ABCB5: variants seen among roughly 807,000 people sequenced by gnomAD.
ABCB5 encodes ATP binding cassette subfamily B member 5, also known as ATP-binding cassette sub-family B member 5.
ABCB5 carries 155 observed loss-of-function variants against 144.2 expected under a neutral mutation model. That is an observed-to-expected ratio of 1.08 (90% CI 0.94 to 1.23). ABCB5 has a LOEUF of 1.23. Ranked by LOEUF, ABCB5 falls within the 50% of genes most tolerant of loss-of-function variation. The probability of loss-of-function intolerance (pLI) is 0.00; values close to 1 mark genes in which losing one functional copy is unlikely to be tolerated. For missense variants in ABCB5, 1,830 were observed against 1,520.8 expected (o/e 1.20, Z -3.38); for synonymous variants, 610 against 528.6 (o/e 1.15, Z -2.11).
At chr7:20,643,759 A>G (rs998339575) in intron 7 of ABCB5, 127 bp downstream of exon 7, 1 of 963,884 alleles carries the variant, frequency 1.0e-6, no homozygotes. Flanking sequence ...GATATTATAC[A>G]CCACAAATAC....
At chr7:20,691,440 G>C (rs1786226673) in intron 16 of ABCB5, among the ~76,000 whole-genome samples, 1 of 151,782 alleles carries the variant, frequency 6.6e-6, no homozygotes, top group Admixed American at 6.6e-5. Context: ...TCCGACTACT[G>C]ATCAGTGTAT....
chr7:20,704,127 G>A (rs957546838), intron 19 of ABCB5, among the ~76,000 whole-genome samples: 1 of 126,342 alleles, frequency 7.9e-6, no homozygotes, highest in South Asian at 2.5e-4. Flanking sequence ...CCGAGCTGGA[G>A]TGCAGTGGTG....
chr7:20,664,688 GCATTTTCTCTTCTTACCCAC>G (rs1407206463), intron 14 of ABCB5, among the ~76,000 whole-genome samples: 6 of 151,758 alleles, frequency 4.0e-5, no homozygotes, highest in Middle Eastern at 3.2e-3. Context: ...AATTATTGCA[GCATTTTCTCTTCTTACCCAC>G]CATTTACTCT....
At chr7:20,640,629 T>A (rs1784275361) in intron 5 of ABCB5, among the ~76,000 whole-genome samples, 1 of 152,096 alleles carries the variant, frequency 6.6e-6, no homozygotes, top group Non-Finnish European at 1.5e-5. Flanking sequence ...TTGCTTACAG[T>A]ACAAGAGCTG....
chr7:20,622,871 A>C (rs933995962), intron 1 of ABCB5, among the ~76,000 whole-genome samples: 1 of 152,134 alleles, frequency 6.6e-6, no homozygotes, highest in Non-Finnish European at 1.5e-5. Context: ...AAACTACTGC[A>C]TCAGTTTTTT....
chr7:20,670,691 C>G (rs1272312026), intron 14 of ABCB5, among the ~76,000 whole-genome samples: 1 of 152,146 alleles, frequency 6.6e-6, no homozygotes, highest in East Asian at 1.9e-4. Flanking sequence ...GGGCGCATCA[C>G]CTGAGGTCGG....
At chr7:20,659,257 G>A (rs564243796) in intron 14 of ABCB5, 63 of 1,512,882 alleles carry the variant, frequency 4.2e-5, no homozygotes, top group Non-Finnish European at 5.5e-5. Context: ...TCTAGGAGGG[G>A]AGTTGGCAGT....
intron 20 of ABCB5, 43 bp from the exon 21 acceptor site, chr7:20,722,973 A>T (rs757043814): frequency 6.4e-7 from 1 of 1,568,560 alleles, no homozygotes; most frequent in East Asian, 2.2e-5. Flanking sequence ...TTGTAAATGT[A>T]AAGTTAATTG....
At chr7:20,707,182 C>A (rs1267799127) in intron 20 of ABCB5, among the ~76,000 whole-genome samples, 1 of 152,134 alleles carries the variant, frequency 6.6e-6, no homozygotes, top group African/African-American at 2.4e-5. Flanking sequence ...TTTATTCTAT[C>A]AAATATATTA....
chr7:20,715,206 G>A (rs1281510956), intron 20 of ABCB5, among the ~76,000 whole-genome samples: 1 of 151,982 alleles, frequency 6.6e-6, no homozygotes, highest in Non-Finnish European at 1.5e-5. Context: ...ATCATGCCCA[G>A]TTAATTTTTT....
intron 5 of ABCB5, among the ~76,000 whole-genome samples, chr7:20,635,551 T>A (rs1039197641): frequency 2.0e-5 from 3 of 152,138 alleles, no homozygotes; most frequent in Admixed American, 6.6e-5. Flanking sequence ...CATGGAATGT[T>A]TTCCCATTTG....
intron 14 of ABCB5, among the ~76,000 whole-genome samples, chr7:20,661,813 G>A (rs771879338): frequency 1.3e-5 from 2 of 151,968 alleles, no homozygotes; most frequent in Non-Finnish European, 2.9e-5. Flanking sequence ...GATTACAGGG[G>A]TGAGCCACCG....
intron 27 of ABCB5, 88 bp from the exon 28 acceptor site, chr7:20,755,339 G>T: frequency 8.6e-7 from 1 of 1,163,494 alleles, no homozygotes. Flanking sequence ...AGCAAAGAAG[G>T]TTATTAGACT....
intron 16 of ABCB5, among the ~76,000 whole-genome samples, chr7:20,694,631 A>C (rs1050962772): frequency 5.3e-5 from 8 of 152,054 alleles, no homozygotes; most frequent in African/African-American, 9.7e-5. Flanking sequence ...CCAGGTAGGA[A>C]AGGAACATGT....
intron 1 of ABCB5, among the ~76,000 whole-genome samples, chr7:20,619,962 T>C (rs571667722): frequency 6.6e-6 from 1 of 152,318 alleles, no homozygotes; most frequent in East Asian, 1.9e-4. Flanking sequence ...GTTGACTTTG[T>C]TAACGATCAG....
At chr7:20,725,796 T>C (rs985761856) in intron 21 of ABCB5, among the ~76,000 whole-genome samples, 1 of 152,204 alleles carries the variant, frequency 6.6e-6, no homozygotes, top group Non-Finnish European at 1.5e-5. Context: ...AGCATTCTTA[T>C]CCATTTTCTT....
At chr7:20,686,982 T>A (rs1786023989) in intron 16 of ABCB5, among the ~76,000 whole-genome samples, 1 of 152,232 alleles carries the variant, frequency 6.6e-6, no homozygotes, top group South Asian at 2.1e-4. Context: ...TGTGGTCCTC[T>A]ATAGCCATTT....
chr7:20,693,871 C>T (rs1786317094), intron 16 of ABCB5, among the ~76,000 whole-genome samples: 2 of 151,486 alleles, frequency 1.3e-5, no homozygotes, highest in Admixed American at 1.3e-4. Context: ...CTTATTAAAA[C>T]ATTTATGCAA....
intron 3 of ABCB5, among the ~76,000 whole-genome samples, chr7:20,627,126 C>A (rs1031332886): frequency 6.6e-6 from 1 of 152,068 alleles, no homozygotes; most frequent in Non-Finnish European, 1.5e-5. Flanking sequence ...GTTTAAGGAG[C>A]GTTTCATGCA....
Sources: gnomAD v4.1 joint callset for allele counts (sites outside exome capture counted in the v4.1 genomes callset) on GRCh38, gnomAD v4.1.1 for gene constraint, MANE v1.5 for transcripts, NCBI Gene and HGNC (gene_info 2026-07-23, HGNC 2026-07-21) for gene names.